Variants in APPL2 observed in about 807,000 individuals in gnomAD.
The protein encoded by APPL2 is DCC-interacting protein 13-beta.
Under a neutral mutation model 92.7 loss-of-function variants are expected in APPL2, and 84 were observed. The observed-to-expected ratio is 0.91, with a 90% CI of 0.76 to 1.09. The LOEUF is 1.09. APPL2 is among the 50% of genes least tolerant of loss of function. APPL2 has a pLI of 0.00. For missense variants in APPL2, 736 were observed against 824.5 expected, an observed-to-expected ratio of 0.89 and a Z score of 1.31; for synonymous variants, 291 against 291.0, an observed-to-expected ratio of 1.00 and a Z score of 0.00.
Position 105,207,158 on chromosome 12 carries a change from T to C in APPL2, c.524A>G (p.His175Arg). The change falls in exon 8 of 21, where the codon CAC becomes CGC. Residue 175 changes from histidine to arginine, a missense_variant. His to Arg is a conservative substitution (Grantham distance 29, BLOSUM62 0). Coordinates refer to ENST00000258530, the MANE Select transcript of APPL2 (RefSeq NM_018171.5). ...ACAGTAGTACTGAAGGGAGGAGAGG[T>C]GCTGCTTCCGCCGGGCCGCGGCCAC... Reference protein sequence around the residue: ...KEVAAARRKQHLSSLQYYCAL... With the variant: ...KEVAAARRKQRLSSLQYYCAL... 6.2e-7 allele frequency: 1 copy of C among 1,614,050 alleles called. No individual in the cohort carries two copies. Among genetic ancestry groups the C allele is most frequent in the Non-Finnish European group, 8.5e-7 (1 of 1,180,008 alleles).
chr12:105,227,512 G>A (rs1343498915), intron 2 of APPL2, among the ~76,000 whole-genome samples: 1 of 152,042 alleles, frequency 6.6e-6, no homozygotes, highest in Admixed American at 6.5e-5. Flanking sequence ...CGCACCCTGC[G>A]CCTCTTCCTG....
chr12:105,210,223 G>A (rs1317687015), intron 5 of APPL2, among the ~76,000 whole-genome samples: 1 of 152,164 alleles, frequency 6.6e-6, no homozygotes, highest in East Asian at 1.9e-4. Context: ...GCCTCCCAAA[G>A]TGCTGGGATT....
At chr12:105,209,912 C>G (rs893716753) in intron 5 of APPL2, among the ~76,000 whole-genome samples, 2 of 151,900 alleles carry the variant, frequency 1.3e-5, no homozygotes, top group Non-Finnish European at 2.9e-5. Context: ...TGTTCCTTAG[C>G]CTCAGGTGAC....
At position 105,189,755 on chromosome 12, in the gene APPL2, C is replaced by A. The variant is rs754565623; in HGVS notation, c.1459+17G>T. The A allele has an allele frequency of 6.2e-7, 1 of 1,613,630 alleles. No homozygotes were observed. Among genetic ancestry groups the A allele is most frequent in the Non-Finnish European group, 8.5e-7 (1 of 1,179,606 alleles). ...TTGTGCAGAGGAAAGAATAAGGACA[C>A]CAAACTAGTCACTTACCTTCTGCTT... On this transcript the variant is annotated intron_variant, in intron 16 of 20. Coordinates refer to ENST00000258530, the MANE Select transcript of APPL2 (RefSeq NM_018171.5).
At position 105,173,434 on chromosome 12, in the gene APPL2, G is replaced by A. The variant is rs1456442509; in HGVS notation, c.*880C>T. ...TTTGATAGGGAGGAGGGATGGGGGA[G>A]TGGGCTGGGGTTCCAGGAATTGGAA... On this transcript the variant is annotated 3_prime_UTR_variant, in exon 21 of 21. Transcript: ENST00000258530. 6.6e-6 allele frequency: 1 copy of A among 152,614 alleles called. No homozygotes were observed. Among genetic ancestry groups the A allele is most frequent in the African/African-American group, 2.4e-5 (1 of 41,444 alleles). The allele number at this position is 152,614 out of a possible 1,614,324, so 9.5% of individuals were successfully genotyped here.
intron 17 of APPL2, 74 bp from the exon 18 acceptor site, chr12:105,177,336 C>G: frequency 6.8e-7 from 1 of 1,465,098 alleles, no homozygotes; most frequent in Non-Finnish European, 9.5e-7. Flanking sequence ...TTGTAGAAGT[C>G]CAGAATAAAT....
intron 20 of APPL2, 91 bp from the exon 21 acceptor site, chr12:105,174,539 T>C: frequency 7.2e-7 from 1 of 1,383,576 alleles, no homozygotes; most frequent in Non-Finnish European, 9.7e-7. Flanking sequence ...TTCTGTAATC[T>C]AGTCTTGTTT....
chr12:105,190,848 GCT>G (rs1326686084), intron 14 of APPL2, among the ~76,000 whole-genome samples: 1 of 152,148 alleles, frequency 6.6e-6, no homozygotes, highest in Non-Finnish European at 1.5e-5. Flanking sequence ...CAAATACTGT[GCT>G]CTCTGTGGAC....
At chr12:105,210,918 C>A (rs1889157366) in intron 5 of APPL2, among the ~76,000 whole-genome samples, 1 of 152,190 alleles carries the variant, frequency 6.6e-6, no homozygotes, top group Admixed American at 6.5e-5. Flanking sequence ...TCAGAGATCA[C>A]CTTCTTCAGG....
chr12:105,216,705 T>C (rs1889726649), intron 4 of APPL2, among the ~76,000 whole-genome samples: 1 of 152,210 alleles, frequency 6.6e-6, no homozygotes, highest in African/African-American at 2.4e-5. Flanking sequence ...GCACCTTGAC[T>C]TCAGCCTTCT....
chr12:105,194,466 G>T (rs1244023051), intron 14 of APPL2, among the ~76,000 whole-genome samples: 1 of 152,128 alleles, frequency 6.6e-6, no homozygotes, highest in African/African-American at 2.4e-5. Flanking sequence ...TGAGGCGGGT[G>T]GATCACTTGA....
chr12:105,232,388 T>A (rs1890988653), intron 1 of APPL2, among the ~76,000 whole-genome samples: 1 of 152,218 alleles, frequency 6.6e-6, no homozygotes, highest in Non-Finnish European at 1.5e-5. Flanking sequence ...TTCTCAAGAA[T>A]AGTGTGTGTA....
intron 13 of APPL2, 23 bp from the exon 14 acceptor site, chr12:105,195,372 A>G (rs1887549579): frequency 1.2e-6 from 2 of 1,614,066 alleles, no homozygotes; most frequent in Non-Finnish European, 1.7e-6. Flanking sequence ...AGGAAGACAC[A>G]CTCAGTCCCA....
At chr12:105,186,889 G>GA (rs756129288) in intron 17 of APPL2, among the ~76,000 whole-genome samples, 284 of 151,830 alleles carry the variant, frequency 1.9e-3, no homozygotes, top group Non-Finnish European at 3.3e-3. Context: ...ATGATCTTTG[G>GA]AAAAATGTCT....
intron 4 of APPL2, among the ~76,000 whole-genome samples, chr12:105,213,116 A>C (rs1889360933): frequency 6.6e-6 from 1 of 152,242 alleles, no homozygotes; most frequent in African/African-American, 2.4e-5. Flanking sequence ...ATAATAGCCC[A>C]ATTAAGTGGG....
intron 4 of APPL2, among the ~76,000 whole-genome samples, chr12:105,215,950 C>T (rs963380718): frequency 5.3e-5 from 8 of 152,046 alleles, no homozygotes; most frequent in African/African-American, 1.9e-4. Flanking sequence ...TGGTGTGAAC[C>T]CGGGAGGTGG....
intron 17 of APPL2, among the ~76,000 whole-genome samples, chr12:105,186,969 A>G (rs1886789171): frequency 6.6e-6 from 1 of 151,844 alleles, no homozygotes; most frequent in South Asian, 2.1e-4. Flanking sequence ...TTCTTTGTAT[A>G]TTTTGTGTAC....
At chr12:105,199,733 T>C (rs577881092) in intron 9 of APPL2, among the ~76,000 whole-genome samples, 2 of 152,320 alleles carry the variant, frequency 1.3e-5, no homozygotes, top group East Asian at 3.9e-4. Flanking sequence ...GTAGTAAATG[T>C]GTTTATATGA....
At chr12:105,229,575 A>C (rs542866417) in intron 1 of APPL2, 7 of 1,010,750 alleles carry the variant, frequency 6.9e-6, no homozygotes, top group South Asian at 4.0e-5. Context: ...TTAAAAGGGC[A>C]GCCTCTCCTC....
Sources: allele counts gnomAD v4.1 joint callset (sites outside exome capture counted in the v4.1 genomes callset), GRCh38; gene constraint gnomAD v4.1.1; transcripts MANE v1.5; gene names NCBI Gene and HGNC (gene_info 2026-07-23, HGNC 2026-07-21).